The following RIN3 variants were observed in gnomAD, a reference collection of about 807,000 sequenced individuals.
The protein encoded by RIN3 is RAB5 interacting protein 3.
RIN3 carries 54 observed loss-of-function variants against 76.3 expected under a neutral mutation model. The observed-to-expected ratio is 0.71, with a 90% CI of 0.57 to 0.89. The LOEUF (loss-of-function observed/expected upper bound fraction) is 0.89, where lower values mean the gene tolerates loss of function less well. Among genes scored for constraint, RIN3 ranks in the 40% least tolerant of loss-of-function variants. The pLI is 0.00. For missense variants in RIN3, 1,256 were observed against 1,322.1 expected (o/e 0.95, Z 0.78); for synonymous variants, 576 against 564.0 (o/e 1.02, Z -0.30).
intron 5 of RIN3, among the ~76,000 whole-genome samples, chr14:92,645,640 G>T (rs1887171356): frequency 6.6e-6 from 1 of 152,166 alleles, no homozygotes; most frequent in Admixed American, 6.5e-5. Flanking sequence ...AATAGGCACG[G>T]GCTTTCTTTT....
chr14:92,560,062 C>T lies in RIN3; in HGVS notation c.249+4107C>T, dbSNP rs145566732. Reference sequence around the variant, plus strand: ...GGCCTGTGGCAAGAGGCAAAGGCCACGGGGCTTAGTTCATTTTCAAGGTGA... The same window carrying T: ...GGCCTGTGGCAAGAGGCAAAGGCCATGGGGCTTAGTTCATTTTCAAGGTGA... On this transcript the variant is annotated intron_variant, in intron 2 of 9. Transcript: ENST00000216487. Among the ~76,000 whole-genome samples, 564 of 152,314 alleles carry T rather than the reference C, an allele frequency of 3.7e-3. 3 individuals carry two copies. Among genetic ancestry groups the T allele is most frequent in the African/African-American group, 0.012 (489 of 41,570 alleles).
At chr14:92,547,027 A>T (rs1211479621) in intron 1 of RIN3, among the ~76,000 whole-genome samples, 3 of 141,246 alleles carry the variant, frequency 2.1e-5, no homozygotes, top group South Asian at 2.2e-4. Flanking sequence ...TAATATAATT[A>T]TTATTTTATT....
chr14:92,524,292 TTC>T (rs1302496313), intron 1 of RIN3, among the ~76,000 whole-genome samples: 1 of 152,194 alleles, frequency 6.6e-6, no homozygotes, highest in Non-Finnish European at 1.5e-5. Flanking sequence ...TCACTGTCTC[TTC>T]GTTGAAACAG....
In RIN3 at chr14:92,681,322, A is replaced by G. The variant is rs566409593; in HGVS notation, c.2468-3665A>G. 1.3e-4 allele frequency among the ~76,000 whole-genome samples: 11 copies of G among 81,628 alleles called. No homozygotes were observed. The highest frequency in any genetic ancestry group is 2.9e-4 in the Non-Finnish European group (11 of 38,306). 53.6% of individuals were successfully genotyped at this position (81,628 alleles called of 152,430 possible). A position where few individuals can be genotyped will look rare whatever the true frequency, so the allele number is the denominator to read the frequency against. ...GGCAGAGAGAGAGGCCTCACGAAGA[A>G]GTCAGACTCCAGCACCAAGAGTGCA... On this transcript the variant is annotated intron_variant, in intron 8 of 9. Coordinates refer to ENST00000216487, the MANE Select transcript of RIN3 (RefSeq NM_024832.5). This position sits in a 1 kb window ranked among gnomAD's most constrained non-coding sequence, Gnocchi z 4.7.
chr14:92,684,576 G>A (rs1216529855), intron 8 of RIN3, among the ~76,000 whole-genome samples: 1 of 152,106 alleles, frequency 6.6e-6, no homozygotes, highest in Non-Finnish European at 1.5e-5. Flanking sequence ...TGGAACCATA[G>A]TAACTCAGAG....
At chr14:92,529,645 G>A (rs772626546) in intron 1 of RIN3, among the ~76,000 whole-genome samples, 2 of 152,338 alleles carry the variant, frequency 1.3e-5, no homozygotes, top group East Asian at 1.9e-4. Context: ...TGAACAGGGC[G>A]ACACTCTGTT....
chr14:92,639,942 G>C (rs975643345), intron 4 of RIN3, among the ~76,000 whole-genome samples: 1 of 150,642 alleles, frequency 6.6e-6, no homozygotes, highest in African/African-American at 2.4e-5. Context: ...CTGACTGTGC[G>C]TTTGCTGGGA....
chr14:92,561,038 A>ATATATAT (rs1555383834), intron 2 of RIN3, among the ~76,000 whole-genome samples: 28 of 14,620 alleles, frequency 1.9e-3, no homozygotes, highest in African/African-American at 5.6e-3. Flanking sequence ...AAAAAAAAAA[A>ATATATAT]AAAAAAATAT....
intron 7 of RIN3, among the ~76,000 whole-genome samples, chr14:92,673,611 T>C (rs537659108): frequency 6.6e-6 from 1 of 152,168 alleles, no homozygotes; most frequent in South Asian, 2.1e-4. Flanking sequence ...GTTCAAGTGA[T>C]TCTCGTGCCT....
chr14:92,515,144 T>C, intron 1 of RIN3: 1 of 672,460 alleles, frequency 1.5e-6, no homozygotes, highest in Non-Finnish European at 2.7e-6. Context: ...CCTTCCCTTC[T>C]TCTCCCTCCA....
At chr14:92,620,065 C>G (rs1886118502) in intron 4 of RIN3, among the ~76,000 whole-genome samples, 1 of 152,228 alleles carries the variant, frequency 6.6e-6, no homozygotes, top group Non-Finnish European at 1.5e-5. Context: ...ACATTTTTCA[C>G]TTTTCCGACA....
At chr14:92,662,342 G>A (rs1259614555) in intron 7 of RIN3, among the ~76,000 whole-genome samples, 1 of 152,208 alleles carries the variant, frequency 6.6e-6, no homozygotes, top group African/African-American at 2.4e-5. Context: ...ACCCTTTGCT[G>A]GGAACAGCCT....
At chr14:92,615,308 C>T (rs75641131) in intron 3 of RIN3, 99 bp from the exon 4 acceptor site, 101,503 of 945,864 alleles carry the variant, frequency 0.11, 6,199 homozygotes, top group Non-Finnish European at 0.13. Flanking sequence ...AGAATGTGTG[C>T]AGCAGACACG....
chr14:92,554,269 G>T (rs1230611601), intron 1 of RIN3, among the ~76,000 whole-genome samples: 1 of 152,202 alleles, frequency 6.6e-6, no homozygotes, highest in Non-Finnish European at 1.5e-5. Flanking sequence ...GCCTGTGTGT[G>T]TTGGGATGGG....
At chr14:92,526,185 G>A (rs1486838187) in intron 1 of RIN3, among the ~76,000 whole-genome samples, 2 of 152,214 alleles carry the variant, frequency 1.3e-5, no homozygotes, top group Admixed American at 6.5e-5. Flanking sequence ...CCCGGGCGAG[G>A]TGGTTCACGC....
intron 3 of RIN3, among the ~76,000 whole-genome samples, chr14:92,578,027 C>G (rs559030002): frequency 7.0e-4 from 107 of 152,212 alleles, no homozygotes; most frequent in Non-Finnish European, 1.2e-3. Context: ...ATTTCTTGAG[C>G]CCAGGATCTG....
Position 92,676,501 on chromosome 14 carries a change from C to T in RIN3, c.2362C>T (p.Leu788=), listed in dbSNP as rs1342199646. 1 of 1,614,156 alleles carries T rather than the reference C, an allele frequency of 6.2e-7. No homozygotes were observed. The highest frequency in any genetic ancestry group is 1.7e-5 in the Admixed American group (1 of 60,026). The change falls in exon 8 of 10, where the codon CTG becomes TTG. Residue 788 remains leucine (L), a synonymous_variant. Transcript: ENST00000216487. The part of the protein sequence containing the change: ...PGKPYGADDF[L]PVLMYVLARS... ...GAAGCCCTATGGGGCGGATGACTTCCTGCCTGTGCTCATGTATGTGCTGGC... is the reference window on the plus strand; with the variant it reads ...GAAGCCCTATGGGGCGGATGACTTCTTGCCTGTGCTCATGTATGTGCTGGC...
At chr14:92,573,178 G>A (rs1293113874) in intron 2 of RIN3, among the ~76,000 whole-genome samples, 4 of 152,058 alleles carry the variant, frequency 2.6e-5, no homozygotes, top group Admixed American at 6.5e-5. Flanking sequence ...CACCGTGCCC[G>A]GCCAAAAGGG....
At chr14:92,551,402 T>C (rs1016114076) in intron 1 of RIN3, among the ~76,000 whole-genome samples, 5 of 152,224 alleles carry the variant, frequency 3.3e-5, no homozygotes, top group Non-Finnish European at 7.3e-5. Context: ...GGAGGAGAGC[T>C]GCTTTGACAT....
Sources: gnomAD v4.1 joint callset for allele counts (sites outside exome capture counted in the v4.1 genomes callset) on GRCh38, gnomAD v4.1.1 for gene constraint, Gnocchi (gnomAD v3.1) non-coding constraint, MANE v1.5 for transcripts, NCBI Gene and HGNC (gene_info 2026-07-23, HGNC 2026-07-21) for gene names.